NEK1: variants seen among roughly 807,000 people sequenced by gnomAD.
NEK1 encodes NIMA related kinase 1.
NEK1 carries 137 observed loss-of-function variants against 182.1 expected under a neutral mutation model. The ratio of observed to expected loss-of-function variants is 0.75; its 90% CI spans 0.65 to 0.87. The LOEUF is 0.87. Ranked by LOEUF, NEK1 falls within the 40% of genes least tolerant of loss-of-function variation. NEK1 has a pLI of 0.00. For synonymous variants in NEK1, 513 were observed against 492.2 expected (o/e 1.04, Z -0.56); for missense variants, 1,391 against 1,494.4 (o/e 0.93, Z 1.14).
chr4:169,464,372 C>A (rs901505270), intron 26 of NEK1, among the ~76,000 whole-genome samples: 6 of 152,080 alleles, frequency 3.9e-5, no homozygotes, highest in Non-Finnish European at 8.8e-5. Context: ...AAAGAAATAT[C>A]AGAAGCAGCT....
At chr4:169,422,435 G>C (rs538389073) in intron 31 of NEK1, among the ~76,000 whole-genome samples, 37 of 152,278 alleles carry the variant, frequency 2.4e-4, no homozygotes, top group African/African-American at 7.9e-4. Context: ...AATGGAGTCA[G>C]TTCCTTGAAG....
intron 18 of NEK1, among the ~76,000 whole-genome samples, chr4:169,547,665 T>C (rs1473362561): frequency 6.6e-6 from 1 of 152,226 alleles, no homozygotes; most frequent in East Asian, 1.9e-4. Context: ...GGAGGCTTTG[T>C]TCGTTTCTTT....
intron 23 of NEK1, among the ~76,000 whole-genome samples, chr4:169,499,698 G>A (rs1454222617): frequency 6.6e-6 from 1 of 152,220 alleles, no homozygotes; most frequent in Non-Finnish European, 1.5e-5. Context: ...ATCAGCAGCG[G>A]AGGCTGCAGA....
chr4:169,531,219 G>A (rs988967198), intron 19 of NEK1, among the ~76,000 whole-genome samples: 9 of 152,122 alleles, frequency 5.9e-5, no homozygotes, highest in Non-Finnish European at 1.2e-4. Context: ...CAGAGCGGCA[G>A]AGTAAGATGA....
chr4:169,590,754 T>G lies in NEK1; in HGVS notation c.368A>C (p.Lys123Thr), dbSNP rs1561472203. 1.9e-6 allele frequency: 3 copies of G among 1,597,934 alleles called. No individual in the cohort carries two copies. In the Admixed American group the frequency reaches 5.2e-5, roughly 28 times the overall value. ...AGATTTAATGTCTCGATGAAGAATTTTTCTATCATGTACATGTTTCAGGGC... is the reference window on the plus strand; with the variant it reads ...AGATTTAATGTCTCGATGAAGAATTGTTCTATCATGTACATGTTTCAGGGC... ...CLALKHVHDR[K>T]ILHRDIKSQN... is the part of the protein sequence containing the mutation. Residue 123 changes from lysine to threonine, a missense_variant, in exon 6 of 36, where the codon AAA becomes ACA. By Grantham distance (78) the Lys-to-Thr change is moderately conservative. Transcript: ENST00000507142.
chr4:169,402,022 T>C (rs1258157455), intron 32 of NEK1, among the ~76,000 whole-genome samples, 162 bp from the exon 33 acceptor site: 1 of 152,250 alleles, frequency 6.6e-6, no homozygotes, highest in African/African-American at 2.4e-5. Flanking sequence ...AAAGCCTACA[T>C]TGTTTTTCAC....
At chr4:169,541,537 A>G (rs1223298694) in intron 18 of NEK1, among the ~76,000 whole-genome samples, 4 of 152,182 alleles carry the variant, frequency 2.6e-5, no homozygotes. Flanking sequence ...TATGAAGAAA[A>G]GAGAATCTGA....
At chr4:169,561,585 T>C (rs1762908374) in intron 15 of NEK1, 31 bp from the exon 16 acceptor site, 2 of 1,605,482 alleles carry the variant, frequency 1.2e-6, no homozygotes, top group Non-Finnish European at 1.7e-6. Context: ...CAAAACACCA[T>C]TTCAAGTATT....
intron 12 of NEK1, among the ~76,000 whole-genome samples, chr4:169,565,029 C>G (rs1458705789): frequency 6.6e-6 from 1 of 152,074 alleles, no homozygotes; most frequent in African/African-American, 2.4e-5. Context: ...CTATCCCACA[C>G]CCTCACTGTA....
At chr4:169,532,808 C>T (rs112704865) in intron 19 of NEK1, among the ~76,000 whole-genome samples, 13,452 of 150,704 alleles carry the variant, frequency 0.089, 799 homozygotes, top group African/African-American at 0.16. Flanking sequence ...AAAAATTAGC[C>T]GGGCATGATG....
chr4:169,503,276 G>T (rs953329314), intron 23 of NEK1, among the ~76,000 whole-genome samples: 1 of 151,822 alleles, frequency 6.6e-6, no homozygotes, highest in Non-Finnish European at 1.5e-5. Context: ...AGGAGACTTG[G>T]TATCATTAAA....
At chr4:169,468,446 T>C (rs1040947455) in intron 26 of NEK1, among the ~76,000 whole-genome samples, 5 of 152,178 alleles carry the variant, frequency 3.3e-5, no homozygotes, top group Non-Finnish European at 7.4e-5. Context: ...TATATATTTG[T>C]AATGTGTGCA....
intron 26 of NEK1, among the ~76,000 whole-genome samples, chr4:169,464,361 AAAAG>A (rs1460705766): frequency 6.6e-6 from 1 of 152,146 alleles, no homozygotes; most frequent in Non-Finnish European, 1.5e-5. Flanking sequence ...TTTATGGGCA[AAAAG>A]AAATATCAGA....
chr4:169,545,037 TCTTG>T (rs1407537757), intron 18 of NEK1, among the ~76,000 whole-genome samples: 1 of 150,136 alleles, frequency 6.7e-6, no homozygotes, highest in African/African-American at 2.4e-5. Flanking sequence ...ATTTGTTTGC[TCTTG>T]CTTCTCTGAT....
intron 5 of NEK1, among the ~76,000 whole-genome samples, chr4:169,592,717 C>T (rs113765341): frequency 0.072 from 10,821 of 150,216 alleles, 1,274 homozygotes; most frequent in African/African-American, 0.25. Flanking sequence ...AAAAAACTCT[C>T]AGTTCAGTTC....
At chr4:169,535,966 A>T (rs1758428413) in intron 19 of NEK1, among the ~76,000 whole-genome samples, 1 of 151,956 alleles carries the variant, frequency 6.6e-6, no homozygotes, top group African/African-American at 2.4e-5. Context: ...AGATCTGAGA[A>T]GCTCAATGAA....
At chr4:169,443,300 T>G (rs1257168002) in intron 27 of NEK1, among the ~76,000 whole-genome samples, 1 of 151,902 alleles carries the variant, frequency 6.6e-6, no homozygotes, top group Non-Finnish European at 1.5e-5. Context: ...CCAGCCTGGG[T>G]GACAGAGCCC....
chr4:169,554,581 A>T (rs1761900856), intron 18 of NEK1: 1 of 152,214 alleles, frequency 6.6e-6, no homozygotes, highest in Non-Finnish European at 1.5e-5. Context: ...CACATACTAT[A>T]TGATTCCAAG....
chr4:169,580,373 C>T (rs549191130), intron 11 of NEK1, among the ~76,000 whole-genome samples: 236 of 151,268 alleles, frequency 1.6e-3, no homozygotes, highest in Non-Finnish European at 3.0e-3. Flanking sequence ...TGGTGGATGC[C>T]GGTAATCCCA....
Sources: allele counts gnomAD v4.1 joint callset (sites outside exome capture counted in the v4.1 genomes callset), GRCh38; gene constraint gnomAD v4.1.1; transcripts MANE v1.5; gene names NCBI Gene and HGNC (gene_info 2026-07-23, HGNC 2026-07-21).